TMTC2: variants seen among roughly 807,000 people sequenced by gnomAD.
TMTC2 encodes the protein transmembrane O-mannosyltransferase targeting cadherins 2, also known as protein O-mannosyl-transferase TMTC2.
Under a neutral mutation model 82.4 loss-of-function variants are expected in TMTC2, and 43 were observed. The observed-to-expected ratio is 0.52, with a 90% CI of 0.41 to 0.67. The LOEUF (loss-of-function observed/expected upper bound fraction) is 0.67, where lower values mean the gene tolerates loss of function less well. Ranked by LOEUF, TMTC2 falls within the 30% of genes least tolerant of loss-of-function variation. The pLI, the probability that TMTC2 is intolerant of heterozygous loss-of-function variation, is 0.00. For synonymous variants in TMTC2, 408 were observed against 381.9 expected (o/e 1.07, Z -0.80); for missense variants, 919 against 1,012.4 (o/e 0.91, Z 1.25).
chr12:82,814,584 A>G (rs1341194650), intron 1 of TMTC2, among the ~76,000 whole-genome samples: 3 of 152,202 alleles, frequency 2.0e-5, no homozygotes, highest in Non-Finnish European at 4.4e-5. Context: ...GAGGATTATA[A>G]AGGAAGCAAG....
intron 1 of TMTC2, among the ~76,000 whole-genome samples, chr12:82,780,128 G>A (rs1052723779): frequency 2.0e-5 from 3 of 151,944 alleles, no homozygotes; most frequent in African/African-American, 7.3e-5. Flanking sequence ...GCACGTCCAC[G>A]CCAGTTGTAT....
chr12:82,980,607 AG>A (rs1395905697), intron 7 of TMTC2, among the ~76,000 whole-genome samples: 1 of 14,518 alleles, frequency 6.9e-5, no homozygotes, highest in Non-Finnish European at 9.7e-5. Context: ...TTTAGAGACT[AG>A]AAAAAAAAAA....
intron 3 of TMTC2, among the ~76,000 whole-genome samples, chr12:82,912,940 A>G (rs76402065): frequency 8.9e-5 from 1 of 11,262 alleles, no homozygotes; most frequent in African/African-American, 1.2e-4. Context: ...ACCTTGTCTG[A>G]AAAAAAAAAA....
At chr12:82,772,823 T>C (rs1360340557) in intron 1 of TMTC2, among the ~76,000 whole-genome samples, 3 of 152,204 alleles carry the variant, frequency 2.0e-5, no homozygotes, top group Non-Finnish European at 4.4e-5. Context: ...TGGGTGCTTT[T>C]TTTCGCTAAT....
chr12:82,748,007 C>T lies in TMTC2; in HGVS notation c.83+60338C>T, dbSNP rs142068464. On this transcript the variant is annotated intron_variant, in intron 1 of 11. Transcript: ENST00000321196. The stretch of plus-strand genomic sequence containing the variant: ...GTTTTCTAAATTCAATCTAATTAAC[C>T]GTAGTTTTTAAAAAAAGTTTAGGCC... Among the ~76,000 whole-genome samples, 588 of 152,212 alleles carry T rather than the reference C, an allele frequency of 3.9e-3. 3 individuals are homozygous for T. The highest frequency in any genetic ancestry group is 6.4e-3 in the Non-Finnish European group (433 of 68,008).
chr12:83,061,324 G>A (rs1882731745), intron 10 of TMTC2, among the ~76,000 whole-genome samples: 1 of 151,714 alleles, frequency 6.6e-6, no homozygotes, highest in Non-Finnish European at 1.5e-5. Flanking sequence ...GAAAGAAAGT[G>A]TCTTTCTAGA....
At chr12:83,095,942 G>A (rs1884014317) in intron 11 of TMTC2, among the ~76,000 whole-genome samples, 1 of 152,174 alleles carries the variant, frequency 6.6e-6, no homozygotes, top group African/African-American at 2.4e-5. Context: ...GTCAGAACTT[G>A]TAGTTTCTTA....
chr12:82,728,878 C>T (rs1386681809), intron 1 of TMTC2, among the ~76,000 whole-genome samples: 4 of 152,218 alleles, frequency 2.6e-5, no homozygotes, highest in Non-Finnish European at 5.9e-5. Flanking sequence ...CCAGCCAGCC[C>T]GCTGCACTGG....
chr12:82,792,521 C>T (rs899935271), intron 1 of TMTC2, among the ~76,000 whole-genome samples: 1 of 151,970 alleles, frequency 6.6e-6, no homozygotes, highest in Admixed American at 6.6e-5. Flanking sequence ...GGATGGAGTG[C>T]AGTAATGTGA....
chr12:83,061,565 T>C (rs1179552699), intron 10 of TMTC2, among the ~76,000 whole-genome samples: 1 of 151,772 alleles, frequency 6.6e-6, no homozygotes, highest in Non-Finnish European at 1.5e-5. Flanking sequence ...AATAGGATTA[T>C]GTTAAGATAC....
chr12:82,947,427 C>T (rs1039265454), intron 4 of TMTC2, among the ~76,000 whole-genome samples: 1 of 151,200 alleles, frequency 6.6e-6, no homozygotes, highest in Non-Finnish European at 1.5e-5. Context: ...ACTGCAAGCT[C>T]CGCCTTCCGG....
Position 83,134,043 on chromosome 12 carries a change from T to C in TMTC2, c.*1654T>C, listed in dbSNP as rs1345284965. ...ATACAGTGGGATAAATAATTGAAAG[T>C]AGTGTTCCTATGGCATTAGTGTTTT... On this transcript the variant is annotated 3_prime_UTR_variant, in exon 12 of 12. Coordinates refer to ENST00000321196, the MANE Select transcript of TMTC2 (RefSeq NM_152588.3). 1 of 152,608 alleles carries C rather than the reference T, an allele frequency of 6.6e-6. No individual in the cohort carries two copies. Among genetic ancestry groups the C allele is most frequent in the East Asian group, 1.9e-4 (1 of 5,200 alleles). 9.5% of individuals were successfully genotyped at this position (152,608 alleles called of 1,614,324 possible). A position where few individuals can be genotyped will look rare whatever the true frequency, so the allele number is the denominator to read the frequency against.
rs951167947 is a variant in TMTC2 at position 83,133,481 on chromosome 12, C to T, written c.*1092C>T. 2.0e-5 allele frequency: 3 copies of T among 152,178 alleles called. No homozygotes were observed. The highest frequency in any genetic ancestry group is 4.4e-5 in the Non-Finnish European group (3 of 68,032). 9.4% of individuals were successfully genotyped at this position (152,178 alleles called of 1,614,324 possible). A position where few individuals can be genotyped will look rare whatever the true frequency, so the allele number is the denominator to read the frequency against. ...TAAATGTTCAAGGAATTATTTTCAT[C>T]TTAGTTTGTTCTTCTCAAAAGGCAT... On this transcript the variant is annotated 3_prime_UTR_variant, in exon 12 of 12. Coordinates refer to ENST00000321196, the MANE Select transcript of TMTC2 (RefSeq NM_152588.3).
At chr12:82,833,895 G>A (rs1869887355) in intron 1 of TMTC2, among the ~76,000 whole-genome samples, 1 of 152,174 alleles carries the variant, frequency 6.6e-6, no homozygotes, top group African/African-American at 2.4e-5. Flanking sequence ...TGTACCAACA[G>A]ATGATAATTA....
At chr12:82,989,913 C>T (rs12319234) in intron 8 of TMTC2, among the ~76,000 whole-genome samples, 584 of 152,122 alleles carry the variant, frequency 3.8e-3, no homozygotes, top group African/African-American at 0.013. Flanking sequence ...TATGGAATGG[C>T]TTAAACTCAC....
chr12:83,017,813 G>GAAA (rs5799609), intron 8 of TMTC2, among the ~76,000 whole-genome samples: 14 of 142,538 alleles, frequency 9.8e-5, no homozygotes, highest in African/African-American at 3.3e-4. Flanking sequence ...ATTTATAACT[G>GAAA]AAAAAAAAAA....
intron 10 of TMTC2, among the ~76,000 whole-genome samples, chr12:83,056,013 A>G (rs887528727): frequency 2.0e-5 from 3 of 152,026 alleles, no homozygotes; most frequent in East Asian, 1.9e-4. Context: ...GCTCCCTTAT[A>G]TTTTACACCT....
chr12:82,759,826 C>T (rs1876514756), intron 1 of TMTC2: 1 of 152,116 alleles, frequency 6.6e-6, no homozygotes. Flanking sequence ...GGTTTAATGC[C>T]TATGGGTTAG....
chr12:83,116,955 G>A (rs564321612), intron 11 of TMTC2, among the ~76,000 whole-genome samples: 1 of 152,200 alleles, frequency 6.6e-6, no homozygotes, highest in East Asian at 1.9e-4. Flanking sequence ...ATTTATCTTT[G>A]TTTTTATTGT....
Sources: gnomAD v4.1 joint callset for allele counts (sites outside exome capture counted in the v4.1 genomes callset) on GRCh38, gnomAD v4.1.1 for gene constraint, MANE v1.5 for transcripts, NCBI Gene and HGNC (gene_info 2026-07-23, HGNC 2026-07-21) for gene names.